Variants in ERCC6 observed in about 807,000 individuals in gnomAD.
ERCC6 encodes ERCC excision repair 6, chromatin remodeling factor, also known as DNA excision repair protein ERCC-6.
ERCC6 carries 116 observed loss-of-function variants against 158.7 expected under a neutral mutation model. The observed-to-expected ratio is 0.73, with a 90% CI of 0.63 to 0.85. The LOEUF (loss-of-function observed/expected upper bound fraction) is 0.85, where lower values mean the gene tolerates loss of function less well. Ranked by LOEUF, ERCC6 falls within the 40% of genes least tolerant of loss-of-function variation. The pLI, the probability that ERCC6 is intolerant of heterozygous loss-of-function variation, is 0.00. For missense variants in ERCC6, 1,698 were observed against 1,799.4 expected (o/e 0.94, Z 1.02); for synonymous variants, 678 against 659.3 (o/e 1.03, Z -0.43).
intron 20 of ERCC6, chr10:49,459,975 A>C (rs1206798044): frequency 3.4e-6 from 1 of 297,132 alleles, no homozygotes; most frequent in Non-Finnish European, 6.4e-6. Flanking sequence ...AGAGAAAGAC[A>C]GGCACTCTGC....
At chr10:49,436,769 C>T in the ERCC6 span, among the ~76,000 whole-genome samples, 3 of 152,096 alleles carry the variant, frequency 2.0e-5, no homozygotes, top group Non-Finnish European at 4.4e-5. Flanking sequence ...TACCGGGAGG[C>T]ATATATCAAA....
rs201246957 is a variant in ERCC6, at chr10:49,532,715, C to T, written c.250G>A (p.Glu84Lys). 3 of 1,614,224 alleles carry T rather than the reference C, an allele frequency of 1.9e-6. No individual in the cohort carries two copies. Among genetic ancestry groups the T allele is most frequent in the Non-Finnish European group, 2.5e-6 (3 of 1,180,040 alleles). The change falls in exon 2 of 21, where the codon GAG becomes AAG. Residue 84 changes from glutamate to lysine, a missense_variant. By Grantham distance (56) the Glu-to-Lys change is moderately conservative. Coordinates refer to ENST00000355832, the MANE Select transcript of ERCC6 (RefSeq NM_000124.4). Reference sequence around the variant, plus strand: ...AGCTCAAGGGCCTGGGCGCTAGGCTCTACTGCCTGGATCTGATGTCGGTCG... The same window carrying T: ...AGCTCAAGGGCCTGGGCGCTAGGCTTTACTGCCTGGATCTGATGTCGGTCG... ...HIDRHQIQAV[E>K]PSAQALELQG... is the part of the protein sequence containing the mutation.
chr10:49,439,379 C>T, the ERCC6 span, among the ~76,000 whole-genome samples: 2 of 152,230 alleles, frequency 1.3e-5, no homozygotes, highest in Admixed American at 1.3e-4. Flanking sequence ...ATGGCCTGAG[C>T]TCTATGTTGG....
rs1211745605 is a variant in ERCC6, at chr10:49,454,933, A to T, written c.*3882T>A. On this transcript the variant is annotated 3_prime_UTR_variant, in exon 21 of 21. Coordinates refer to ENST00000355832, the MANE Select transcript of ERCC6 (RefSeq NM_000124.4). ...TGGCCTTATACATCAGGAGGAAAAT[A>T]ATAAACTATTTTTTAAAGGTGCTAG... 3.3e-5 allele frequency among the ~76,000 whole-genome samples: 5 copies of T among 152,186 alleles called. No homozygotes were observed. Among genetic ancestry groups the T allele is most frequent in the African/African-American group, 1.2e-4 (5 of 41,446 alleles).
In ERCC6 at chr10:49,480,357, T is replaced by C. The variant is rs1850955515; in HGVS notation, c.2170-1887A>G. Among the ~76,000 whole-genome samples the C allele has an allele frequency of 2.0e-5, 3 of 152,316 alleles. No individual in the cohort carries two copies. In the South Asian group the frequency reaches 6.2e-4, roughly 32 times the overall value. On this transcript the variant is annotated intron_variant, in intron 10 of 20. Transcript: ENST00000355832. ...CCCTACTGGACTGGAAATACCTTCA[T>C]GGGAAGGTTCTGGTTTCTAGCCCCT...
the ERCC6 span, among the ~76,000 whole-genome samples, chr10:49,449,125 A>G: frequency 5.9e-5 from 9 of 152,142 alleles, no homozygotes; most frequent in African/African-American, 1.9e-4. Flanking sequence ...TCTCTCTACA[A>G]TCTCTTGTCA....
chr10:49,467,217 T>C (rs1850693681), intron 18 of ERCC6, among the ~76,000 whole-genome samples: 2 of 152,348 alleles, frequency 1.3e-5, no homozygotes, highest in African/African-American at 2.4e-5. Flanking sequence ...CGTATGGACA[T>C]ATTTTTCCAT....
At chr10:49,495,181 C>A (rs1851246399) in intron 7 of ERCC6, among the ~76,000 whole-genome samples, 1 of 152,136 alleles carries the variant, frequency 6.6e-6, no homozygotes, top group Non-Finnish European at 1.5e-5. Flanking sequence ...TTCAGTCTTG[C>A]TGGGAGTTGG....
Position 49,454,635 on chromosome 10 carries a change from T to C in ERCC6, c.*4180A>G, listed in dbSNP as rs1353744554. Among the ~76,000 whole-genome samples, 2 of 151,338 alleles carry C rather than the reference T, an allele frequency of 1.3e-5. No individual in the cohort carries two copies. The highest frequency in any genetic ancestry group is 1.5e-5 in the Non-Finnish European group (1 of 68,038). ...TAGGACAGTGGGTCCACAGGGCCCT[T>C]CACATTGCCATTCTGGAAGTGAAAA... On this transcript the variant is annotated 3_prime_UTR_variant, in exon 21 of 21. Transcript: ENST00000355832.
chr10:49,460,129 A>C (rs1335015067), intron 20 of ERCC6: 3 of 567,136 alleles, frequency 5.3e-6, no homozygotes, highest in Non-Finnish European at 9.5e-6. Flanking sequence ...CCCTGTGTCA[A>C]CCTTCTAATG....
the ERCC6 span, among the ~76,000 whole-genome samples, chr10:49,436,431 T>TC: frequency 2.0e-5 from 3 of 152,048 alleles, no homozygotes; most frequent in African/African-American, 7.2e-5. Flanking sequence ...ATTTACATAA[T>TC]CTACACTGAA....
intron 11 of ERCC6, among the ~76,000 whole-genome samples, chr10:49,477,308 T>C (rs551896789): frequency 1.3e-5 from 2 of 152,278 alleles, no homozygotes; most frequent in African/African-American, 4.8e-5. Context: ...GAAGAGGTTC[T>C]TGTACAGGAT....
the ERCC6 span, among the ~76,000 whole-genome samples, chr10:49,443,003 T>C: frequency 6.6e-6 from 1 of 152,214 alleles, no homozygotes; most frequent in Non-Finnish European, 1.5e-5. Context: ...TGATTTTGTT[T>C]TCATTTACTT....
At chr10:49,466,524 T>G (rs1850677762) in intron 18 of ERCC6, among the ~76,000 whole-genome samples, 1 of 152,234 alleles carries the variant, frequency 6.6e-6, no homozygotes, top group Non-Finnish European at 1.5e-5. Context: ...GTACAGTATT[T>G]GGTAAGTTGT....
chr10:49,440,551 T>G, the ERCC6 span, among the ~76,000 whole-genome samples: 1 of 152,178 alleles, frequency 6.6e-6, no homozygotes, highest in African/African-American at 2.4e-5. Context: ...GGTGGCTAAT[T>G]CTTTTTGTCA....
chr10:49,509,100 T>C (rs867271932), intron 5 of ERCC6, among the ~76,000 whole-genome samples: 27 of 152,148 alleles, frequency 1.8e-4, no homozygotes, highest in African/African-American at 6.0e-4. Flanking sequence ...TACTAGCTCA[T>C]GAACCCTCAG....
At chr10:49,479,769 C>T (rs968776050) in intron 10 of ERCC6, among the ~76,000 whole-genome samples, 7 of 152,184 alleles carry the variant, frequency 4.6e-5, no homozygotes, top group Admixed American at 1.3e-4. Context: ...GGCTGGGGAA[C>T]GGCCGGGCTG....
chr10:49,478,291 A>T, intron 11 of ERCC6, 63 bp downstream of exon 11: 1 of 1,105,220 alleles, frequency 9.0e-7, no homozygotes, highest in Non-Finnish European at 1.4e-6. Context: ...GAGGAGAATC[A>T]GAGTGAAGGG....
intron 1 of ERCC6, among the ~76,000 whole-genome samples, chr10:49,535,850 T>A (rs182326641): frequency 6.6e-6 from 1 of 152,098 alleles, no homozygotes; most frequent in Admixed American, 6.5e-5. Context: ...CAGGCCAGGC[T>A]TGGTGGCTCA....
Sources: allele counts gnomAD v4.1 joint callset (sites outside exome capture counted in the v4.1 genomes callset), GRCh38; gene constraint gnomAD v4.1.1; transcripts MANE v1.5; gene names NCBI Gene and HGNC (gene_info 2026-07-23, HGNC 2026-07-21).